NSD3: variants seen among roughly 807,000 people sequenced by gnomAD.
The protein encoded by NSD3 is histone-lysine N-methyltransferase NSD3.
In NSD3, 24 loss-of-function variants were observed where a neutral mutation model predicts 160.8. The observed-to-expected ratio is 0.15, with a 90% confidence interval of 0.11 to 0.21. The LOEUF is 0.21. Ranked by LOEUF, NSD3 falls within the 10% of genes least tolerant of loss-of-function variation. NSD3 has a pLI of 1.00. For missense variants in NSD3, 1,157 were observed against 1,735.9 expected (o/e 0.67, Z 5.93); for synonymous variants, 520 against 600.0 (o/e 0.87, Z 1.95).
At chr8:38,375,130 A>T (rs1194315534) in intron 1 of NSD3, among the ~76,000 whole-genome samples, 2 of 152,244 alleles carry the variant, frequency 1.3e-5, no homozygotes, top group Non-Finnish European at 2.9e-5. Flanking sequence ...CATAAATGTA[A>T]GGTATTATTC....
rs1470888854 is a variant in NSD3 at position 38,290,417 on chromosome 8, TTGAGAAAC to T, written c.3118+50_3118+57del. ...GAAATATTAGGGAGGTGAGGAGATG[TTGAGAAAC>T]TGACACCGGAGTTGTAGTTTTGAGT... On this transcript the variant is annotated intron_variant, in intron 17 of 23. Coordinates refer to ENST00000317025, the MANE Select transcript of NSD3 (RefSeq NM_023034.2). The T allele has an allele frequency of 1.9e-6, 3 of 1,564,558 alleles. No homozygotes were observed. The African/African-American group carries it at 4.1e-5, about 21-fold the overall frequency.
At chr8:38,278,520 G>C (rs1054663222) in intron 21 of NSD3, 108 bp from the exon 22 acceptor site, 9 of 938,664 alleles carry the variant, frequency 9.6e-6, no homozygotes, top group Middle Eastern at 2.2e-4. Flanking sequence ...TGGCATGAAG[G>C]CGTTTCCCTT....
Position 38,321,249 on chromosome 8 carries a change from C to G in NSD3, c.1709-77G>C. 1 of 1,171,810 alleles carries G rather than the reference C, an allele frequency of 8.5e-7. No individual in the cohort carries two copies. Among genetic ancestry groups the G allele is most frequent in the Non-Finnish European group, 1.2e-6 (1 of 833,886 alleles). 72.6% of individuals were successfully genotyped at this position (1,171,810 alleles called of 1,614,324 possible). A position where few individuals can be genotyped will look rare whatever the true frequency, so the allele number is the denominator to read the frequency against. ...CATCTATGTAATTAAGATATGACCACATTCCTTGCTTTTCTTACCCATTAC... is the reference window on the plus strand; with the variant it reads ...CATCTATGTAATTAAGATATGACCAGATTCCTTGCTTTTCTTACCCATTAC... On this transcript the variant is annotated intron_variant, in intron 7 of 23. Coordinates refer to ENST00000317025, the MANE Select transcript of NSD3 (RefSeq NM_023034.2). This position sits in a 1 kb window ranked among gnomAD's most constrained non-coding sequence, Gnocchi z 4.7.
At position 38,290,576 on chromosome 8, in the gene NSD3, T is replaced by C. The variant is rs1424303846; in HGVS notation, c.3017A>G (p.His1006Arg). ...GCCCTGGTGTACCCAGTAGTAGTCA[T>C]GAGAACCAAAGAAGAATACAGGGAA... Reference protein sequence around the residue: ...GDFPVFFFGSHDYYWVHQGRV... With the variant: ...GDFPVFFFGSRDYYWVHQGRV... The change falls in exon 17 of 24, where the codon CAT becomes CGT. Residue 1006 changes from histidine (H) to arginine (R), a missense_variant. Transcript: ENST00000317025. The C allele has an allele frequency of 1.2e-6, 2 of 1,614,090 alleles. No individual in the cohort carries two copies. The highest frequency in any genetic ancestry group is 1.7e-6 in the Non-Finnish European group (2 of 1,179,976).
chr8:38,298,682 GATA>G (rs1432448723), intron 15 of NSD3, among the ~76,000 whole-genome samples: 4 of 152,122 alleles, frequency 2.6e-5, no homozygotes, highest in Non-Finnish European at 1.5e-5. Flanking sequence ...TTCCCAGTGG[GATA>G]ATAACTCCCC....
rs1808401098 is a variant in NSD3 at position 38,270,221 on chromosome 8, T to C, written c.*5420A>G. On this transcript the variant is annotated 3_prime_UTR_variant, in exon 24 of 24. Transcript: ENST00000317025. ...ATATTGATGCTTTGTTATTAAAGAC[T>C]CAAGTCTCAAGTGATTTAGGCAAAG... The C allele has an allele frequency of 6.6e-6, 1 of 152,180 alleles. No individual in the cohort carries two copies. Among genetic ancestry groups the C allele is most frequent in the African/African-American group, 2.4e-5 (1 of 41,430 alleles). 9.4% of individuals were successfully genotyped at this position (152,180 alleles called of 1,614,324 possible). A position where few individuals can be genotyped will look rare whatever the true frequency, so the allele number is the denominator to read the frequency against.
intron 4 of NSD3, among the ~76,000 whole-genome samples, chr8:38,335,258 G>T (rs1210627384): frequency 6.6e-6 from 1 of 152,148 alleles, no homozygotes. Context: ...AAAGTGCTGG[G>T]ATTACAGGCA....
At chr8:38,362,274 C>A (rs1377435823) in intron 1 of NSD3, among the ~76,000 whole-genome samples, 3 of 19,440 alleles carry the variant, frequency 1.5e-4, no homozygotes, top group African/African-American at 3.7e-4. Flanking sequence ...GGGGGGGGGG[C>A]ACAAGATTGG....
At chr8:38,283,913 G>A (rs1277218936) in intron 19 of NSD3, among the ~76,000 whole-genome samples, 1 of 152,038 alleles carries the variant, frequency 6.6e-6, no homozygotes, top group Non-Finnish European at 1.5e-5. Context: ...ATCAGCCTGG[G>A]CAACACAGTG....
chr8:38,369,022 A>T (rs1165436741), intron 1 of NSD3, among the ~76,000 whole-genome samples: 1 of 152,198 alleles, frequency 6.6e-6, no homozygotes, highest in Non-Finnish European at 1.5e-5. Context: ...TCCCCCAAAA[A>T]AGGCAAAAGA....
At chr8:38,289,536 T>C (rs1335151166) in intron 17 of NSD3, 31 bp from the exon 18 acceptor site, 1 of 1,593,500 alleles carries the variant, frequency 6.3e-7, no homozygotes, top group Admixed American at 1.8e-5. Flanking sequence ...AGTATGTAAA[T>C]ACCAAAAACC....
At chr8:38,310,908 A>G (rs1042278700) in intron 12 of NSD3, among the ~76,000 whole-genome samples, 1 of 152,038 alleles carries the variant, frequency 6.6e-6, no homozygotes, top group African/African-American at 2.4e-5. Context: ...TGGGTTTTCA[A>G]CAGCCACTAC....
Position 38,317,124 on chromosome 8 carries a change from C to G in NSD3, c.1856-1082G>C. 9.4e-7 allele frequency: 1 copy of G among 1,062,414 alleles called. No individual in the cohort carries two copies. Among genetic ancestry groups the G allele is most frequent in the Non-Finnish European group, 1.1e-6 (1 of 877,426 alleles). The allele number at this position is 1,062,414 out of a possible 1,614,324, so 65.8% of individuals were successfully genotyped here. ...ACAAGTCTCCTGAGGCCATGAAGAT[C>G]CGCAACAGGCTGAGTGAGAGTAGCA... is the stretch of plus-strand genomic sequence containing the variant. On this transcript the variant is annotated intron_variant, in intron 9 of 23. Coordinates refer to ENST00000317025, the MANE Select transcript of NSD3 (RefSeq NM_023034.2). This position sits in a 1 kb window ranked among gnomAD's most constrained non-coding sequence, Gnocchi z 5.3.
intron 1 of NSD3, among the ~76,000 whole-genome samples, chr8:38,372,927 T>A (rs1811287172): frequency 7.2e-6 from 1 of 139,294 alleles, no homozygotes. Flanking sequence ...GATGGGCACC[T>A]GTAGTCGAGC....
intron 3 of NSD3, 75 bp downstream of exon 3, chr8:38,338,461 G>A (rs1325924141): frequency 8.4e-7 from 1 of 1,196,300 alleles, no homozygotes; most frequent in Admixed American, 1.7e-5. Flanking sequence ...CAATACAATT[G>A]TGTTGCAATT....
intron 4 of NSD3, among the ~76,000 whole-genome samples, chr8:38,337,058 C>T (rs1810234913): frequency 6.6e-6 from 1 of 151,202 alleles, no homozygotes; most frequent in Non-Finnish European, 1.5e-5. Context: ...AGGAGAATCA[C>T]TTGAACCCAG....
At chr8:38,348,637 T>C (rs1191666137) in intron 1 of NSD3, among the ~76,000 whole-genome samples, 1 of 152,232 alleles carries the variant, frequency 6.6e-6, no homozygotes, top group East Asian at 1.9e-4. Flanking sequence ...GTTGTTTTTA[T>C]TACAAAAATA....
rs529904305 is a variant in NSD3 at position 38,362,035 on chromosome 8, CT to C, written c.-44-13821del. Among the ~76,000 whole-genome samples, 372 of 151,862 alleles carry C rather than the reference CT, an allele frequency of 2.4e-3. 1 individual carries two copies. Among genetic ancestry groups the C allele is most frequent in the African/African-American group, 8.8e-3 (363 of 41,410 alleles). ...CAAATGATCTAGATTTTTAGAAGGG[CT>C]TTTCTTCATATGTTGCAAAACCAAA... On this transcript the variant is annotated intron_variant, in intron 1 of 23. Transcript: ENST00000317025.
chr8:38,314,512 T>G, intron 12 of NSD3, 135 bp downstream of exon 12: 4 of 1,311,772 alleles, frequency 3.0e-6, no homozygotes, highest in Non-Finnish European at 4.0e-6. Flanking sequence ...CTTAATTTGT[T>G]GAAATACCTT....
Sources: gnomAD v4.1 joint callset for allele counts (sites outside exome capture counted in the v4.1 genomes callset) on GRCh38, gnomAD v4.1.1 for gene constraint, Gnocchi (gnomAD v3.1) non-coding constraint, MANE v1.5 for transcripts, NCBI Gene and HGNC (gene_info 2026-07-23, HGNC 2026-07-21) for gene names.